Variants in COL24A1 observed in about 807,000 individuals in gnomAD.
COL24A1 encodes the protein collagen type XXIV alpha 1 chain, also known as collagen alpha-1(XXIV) chain.
COL24A1 carries 224 observed loss-of-function variants against 253.9 expected under a neutral mutation model. That is an observed-to-expected ratio of 0.88 (90% CI 0.79 to 0.99). The LOEUF (loss-of-function observed/expected upper bound fraction) is 0.99, where lower values mean the gene tolerates loss of function less well. Among genes scored for constraint, COL24A1 ranks in the 50% least tolerant of loss-of-function variants. COL24A1 has a pLI of 0.00. For synonymous variants in COL24A1, 685 were observed against 673.7 expected (o/e 1.02, Z -0.26); for missense variants, 2,131 against 2,068.5 (o/e 1.03, Z -0.59).
At chr1:86,002,272 T>C (rs537759341) in intron 19 of COL24A1, among the ~76,000 whole-genome samples, 1 of 152,286 alleles carries the variant, frequency 6.6e-6, no homozygotes, top group Non-Finnish European at 1.5e-5. Context: ...GTGGTCCCTA[T>C]TACAGCATCG....
At chr1:85,963,246 G>A (rs1019770650) in intron 23 of COL24A1, among the ~76,000 whole-genome samples, 1 of 152,048 alleles carries the variant, frequency 6.6e-6, no homozygotes, top group Non-Finnish European at 1.5e-5. Flanking sequence ...TAGATAAATA[G>A]TAAAGAATGA....
At chr1:85,911,558 A>C in intron 24 of COL24A1, 125 bp from the exon 25 acceptor site, 3 of 810,636 alleles carry the variant, frequency 3.7e-6, no homozygotes, top group Non-Finnish European at 6.3e-6. Flanking sequence ...TCTTGGAGTA[A>C]AATTCCTCCT....
At chr1:86,046,928 A>G in intron 11 of COL24A1, 59 bp from the exon 12 acceptor site, 1 of 947,066 alleles carries the variant, frequency 1.1e-6, no homozygotes, top group East Asian at 2.4e-5. Context: ...GGTACTATAG[A>G]TCTTTTTCTC....
chr1:85,756,461 G>C (rs535082631), intron 55 of COL24A1, among the ~76,000 whole-genome samples: 214 of 152,076 alleles, frequency 1.4e-3, no homozygotes, highest in Non-Finnish European at 2.5e-3. Context: ...ATGAAAATAT[G>C]CTCAACACCA....
At chr1:85,912,213 T>A (rs1685437699) in intron 24 of COL24A1, among the ~76,000 whole-genome samples, 1 of 152,070 alleles carries the variant, frequency 6.6e-6, no homozygotes. Flanking sequence ...GAGTAAGGAA[T>A]GAATTTGATT....
intron 52 of COL24A1, among the ~76,000 whole-genome samples, chr1:85,777,641 C>T (rs887490962): frequency 1.3e-5 from 2 of 152,010 alleles, no homozygotes; most frequent in African/African-American, 4.8e-5. Context: ...TGCAAAATTT[C>T]ATTAGTGTAT....
intron 24 of COL24A1, among the ~76,000 whole-genome samples, chr1:85,915,665 T>C (rs566175344): frequency 6.6e-6 from 1 of 152,344 alleles, no homozygotes; most frequent in South Asian, 2.1e-4. Context: ...ATTTTTCTTT[T>C]TGAGACAGAG....
rs1259024410 is a variant in COL24A1, at chr1:85,757,636, TC to T, written c.4437+3759del. 2.0e-5 allele frequency among the ~76,000 whole-genome samples: 3 copies of T among 152,180 alleles called. No individual in the cohort carries two copies. In the East Asian group the frequency reaches 5.8e-4, roughly 29 times the overall value. ...ATAACACTTGGCCACTCAAAAATTT[TC>T]TTGACAATCTCCATATTCCTAGAAT... On this transcript the variant is annotated intron_variant, in intron 55 of 59. Transcript: ENST00000370571.
chr1:85,739,781 T>G (rs532021941), intron 57 of COL24A1, among the ~76,000 whole-genome samples: 2 of 152,140 alleles, frequency 1.3e-5, no homozygotes, highest in Non-Finnish European at 2.9e-5. Context: ...ACCCTCTTAC[T>G]TTTCCACCAA....
intron 28 of COL24A1, among the ~76,000 whole-genome samples, chr1:85,900,247 AT>A (rs1196055327): frequency 2.0e-5 from 3 of 152,214 alleles, no homozygotes; most frequent in Admixed American, 2.0e-4. Context: ...TAGAAAAAAA[AT>A]CCTAAGATTC....
intron 20 of COL24A1, among the ~76,000 whole-genome samples, chr1:85,978,159 GT>G (rs1056287245): frequency 1.2e-4 from 18 of 152,032 alleles, no homozygotes; most frequent in African/African-American, 4.3e-4. Context: ...AGGTAAAGTC[GT>G]TTTCAGACAA....
intron 32 of COL24A1, among the ~76,000 whole-genome samples, chr1:85,886,015 A>AG (rs371677731): frequency 6.6e-6 from 1 of 150,456 alleles, no homozygotes; most frequent in Non-Finnish European, 1.5e-5. Flanking sequence ...AATCTTTTTT[A>AG]GGGGGGAGAC....
intron 24 of COL24A1, among the ~76,000 whole-genome samples, chr1:85,939,859 C>CT (rs1326597798): frequency 2.0e-5 from 3 of 152,036 alleles, no homozygotes; most frequent in African/African-American, 7.2e-5. Context: ...TGAATCATAT[C>CT]TGTTACTGAA....
In COL24A1 at chr1:85,761,613, G is replaced by T. The variant is rs1298070547; in HGVS notation, c.4375-47C>A. 3.1e-6 allele frequency: 5 copies of T among 1,597,718 alleles called. No homozygotes were observed. The South Asian group carries it at 4.4e-5, about 14-fold the overall frequency. ...ACAAGACCTATATATTATACTTTTG[G>T]TTGGGTATAAGCAAGATAACTAATA... On this transcript the variant is annotated intron_variant, in intron 53 of 59. Coordinates refer to ENST00000370571, the MANE Select transcript of COL24A1 (RefSeq NM_152890.7).
Position 85,744,777 on chromosome 1 carries a change from G to A in COL24A1, c.4561C>T (p.Leu1521=), listed in dbSNP as rs746833444. 1.2e-5 allele frequency: 19 copies of A among 1,609,910 alleles called. 1 individual carries two copies. The highest frequency in any genetic ancestry group is 1.4e-5 in the Non-Finnish European group (17 of 1,178,652). The change falls in exon 57 of 60, where the codon CTG becomes TTG. Residue 1521 remains leucine (L), a synonymous_variant. Transcript: ENST00000370571. ...TGCAATAAATTGCTAAGGTAGTTCA[G>A]GGTTTTGAATATCTCTTCACTGTGG... ...IDHSEEIFKT[L]NYLSNLLHSI...
intron 22 of COL24A1, among the ~76,000 whole-genome samples, chr1:85,969,462 G>T (rs1370622858): frequency 2.0e-5 from 3 of 151,646 alleles, no homozygotes; most frequent in Non-Finnish European, 4.4e-5. Context: ...AAAATTAGCA[G>T]GGCATGGTGG....
intron 45 of COL24A1, among the ~76,000 whole-genome samples, chr1:85,822,993 G>T (rs970478850): frequency 2.6e-5 from 4 of 152,032 alleles, no homozygotes; most frequent in African/African-American, 9.7e-5. Flanking sequence ...TACTCAATCT[G>T]CTCCTTTGTT....
At chr1:86,137,381 C>T (rs1650414545) in intron 2 of COL24A1, among the ~76,000 whole-genome samples, 1 of 152,116 alleles carries the variant, frequency 6.6e-6, no homozygotes, top group Admixed American at 6.6e-5. Flanking sequence ...ATTTGCATAA[C>T]AACTGTATGA....
At chr1:85,981,148 A>C (rs1693220747) in intron 20 of COL24A1, among the ~76,000 whole-genome samples, 1 of 152,134 alleles carries the variant, frequency 6.6e-6, no homozygotes, top group Non-Finnish European at 1.5e-5. Context: ...TAGAAAACAC[A>C]ATACTAAAAT....
Sources: gnomAD v4.1 joint callset for allele counts (sites outside exome capture counted in the v4.1 genomes callset) on GRCh38, gnomAD v4.1.1 for gene constraint, MANE v1.5 for transcripts, NCBI Gene and HGNC (gene_info 2026-07-23, HGNC 2026-07-21) for gene names.